The following GDAP1 variants were observed in gnomAD, a reference collection of about 807,000 sequenced individuals.
GDAP1 encodes the protein ganglioside-induced differentiation-associated protein 1.
Under a neutral mutation model 40.1 loss-of-function variants are expected in GDAP1, and 34 were observed. The ratio of observed to expected loss-of-function variants is 0.85; its 90% CI spans 0.64 to 1.13. The LOEUF is 1.13. Among genes scored for constraint, GDAP1 ranks in the 50% most tolerant of loss-of-function variants. The pLI is 0.00. For synonymous variants in GDAP1, 170 were observed against 157.4 expected (o/e 1.08, Z -0.60); for missense variants, 374 against 433.7 (o/e 0.86, Z 1.22).
intron 2 of GDAP1, among the ~76,000 whole-genome samples, chr8:74,435,760 T>C (rs1806080819): frequency 6.6e-6 from 1 of 152,216 alleles, no homozygotes; most frequent in Non-Finnish European, 1.5e-5. Flanking sequence ...CCTCCAAATA[T>C]CATAAATCAA....
downstream of GDAP1, among the ~76,000 whole-genome samples, chr8:74,369,147 G>A (rs1809707469): frequency 6.6e-6 from 1 of 152,118 alleles, no homozygotes; most frequent in South Asian, 2.1e-4. Context: ...GCCAGTAACT[G>A]CACTGCCTAC....
chr8:74,386,958 A>C (rs572619028), intron 2 of GDAP1, among the ~76,000 whole-genome samples: 1 of 152,232 alleles, frequency 6.6e-6, no homozygotes, highest in Non-Finnish European at 1.5e-5. Flanking sequence ...TGTGAATGGG[A>C]GTTCACTCAT....
downstream of GDAP1, among the ~76,000 whole-genome samples, chr8:74,369,125 T>G (rs1027963038): frequency 6.6e-6 from 1 of 152,234 alleles, no homozygotes; most frequent in South Asian, 2.1e-4. Flanking sequence ...GTACACAGTT[T>G]AAAGGTGACT....
At chr8:74,484,002 A>C (rs1170214613) in intron 2 of GDAP1, among the ~76,000 whole-genome samples, 1 of 152,154 alleles carries the variant, frequency 6.6e-6, no homozygotes, top group Non-Finnish European at 1.5e-5. Flanking sequence ...AAGTGCAAAA[A>C]TATCTATGTT....
intron 1 of GDAP1, 71 bp downstream of exon 1, chr8:74,350,649 C>G (rs1808811474): frequency 2.0e-6 from 2 of 990,848 alleles, no homozygotes; most frequent in Admixed American, 3.4e-5. Flanking sequence ...CTTCTGAGTC[C>G]CGCCCAGGGA....
intron 2 of GDAP1, among the ~76,000 whole-genome samples, chr8:74,423,654 A>G (rs903611379): frequency 1.8e-4 from 27 of 151,924 alleles, no homozygotes; most frequent in African/African-American, 6.5e-4. Flanking sequence ...CCTCAGTAAA[A>G]CAGATTTACT....
chr8:74,373,358 T>C (rs947223508), intron 2 of GDAP1, among the ~76,000 whole-genome samples: 3 of 152,238 alleles, frequency 2.0e-5, no homozygotes, highest in African/African-American at 7.2e-5. Context: ...AGTGTGGCCA[T>C]TTTCACGATA....
intron 2 of GDAP1, among the ~76,000 whole-genome samples, chr8:74,446,863 C>A (rs76256044): frequency 2.0e-5 from 3 of 151,972 alleles, no homozygotes; most frequent in Non-Finnish European, 4.4e-5. Context: ...TAGGCAAATT[C>A]ATAGAGACAG....
At chr8:74,373,135 T>A (rs1337409318) in intron 2 of GDAP1, among the ~76,000 whole-genome samples, 1 of 152,224 alleles carries the variant, frequency 6.6e-6, no homozygotes, top group Non-Finnish European at 1.5e-5. Context: ...TTGGTACCAG[T>A]ACCATGCTGT....
intron 2 of GDAP1, among the ~76,000 whole-genome samples, chr8:74,412,255 G>T (rs182077954): frequency 6.7e-6 from 1 of 150,104 alleles, no homozygotes; most frequent in Non-Finnish European, 1.5e-5. Flanking sequence ...GAAGAATTTT[G>T]TGTATGTAAC....
intron 2 of GDAP1, among the ~76,000 whole-genome samples, chr8:74,480,794 T>C (rs1407792562): frequency 6.6e-6 from 1 of 152,194 alleles, no homozygotes; most frequent in African/African-American, 2.4e-5. Context: ...CCTATTCCAA[T>C]TCTTCACTTT....
intron 2 of GDAP1, among the ~76,000 whole-genome samples, chr8:74,396,903 C>T (rs370638591): frequency 4.6e-5 from 7 of 152,082 alleles, no homozygotes; most frequent in African/African-American, 7.2e-5. Flanking sequence ...ATTGTATTTC[C>T]AGTTCTAGAT....
rs772584867 is a variant in GDAP1 at position 74,366,558 on chromosome 8, G to A, written c.*2191G>A. 1.3e-5 allele frequency: 6 copies of A among 453,550 alleles called. No homozygotes were observed. The highest frequency in any genetic ancestry group is 6.9e-5 in the East Asian group (1 of 14,404). 28.1% of individuals were successfully genotyped at this position (453,550 alleles called of 1,614,324 possible). ...GTGTATTTTCTTTTTCATGATTATC[G>A]GTGACTGGTCAGTGTACTCATCAAT... On this transcript the variant is annotated 3_prime_UTR_variant, in exon 6 of 6. Coordinates refer to ENST00000220822, the MANE Select transcript of GDAP1 (RefSeq NM_018972.4).
intron 2 of GDAP1, among the ~76,000 whole-genome samples, chr8:74,470,659 G>A (rs922614429): frequency 6.6e-6 from 1 of 152,168 alleles, no homozygotes; most frequent in Non-Finnish European, 1.5e-5. Flanking sequence ...ATCATTGTTG[G>A]ACATTTGGGT....
At chr8:74,488,086 C>T (rs1261488801) in intron 2 of GDAP1, among the ~76,000 whole-genome samples, 6 of 152,000 alleles carry the variant, frequency 3.9e-5, no homozygotes, top group Admixed American at 2.6e-4. Flanking sequence ...TCAATATGTA[C>T]CTCTATTTCT....
At chr8:74,399,744 G>A (rs1187682171) in intron 2 of GDAP1, among the ~76,000 whole-genome samples, 28 of 120,454 alleles carry the variant, frequency 2.3e-4, no homozygotes, top group East Asian at 2.2e-4. Flanking sequence ...ATTCTGGTAT[G>A]TTGTGTCTTT....
intron 2 of GDAP1, among the ~76,000 whole-genome samples, chr8:74,378,326 A>G (rs1448881906): frequency 6.6e-6 from 1 of 152,096 alleles, no homozygotes; most frequent in East Asian, 1.9e-4. Context: ...CCAAAATGGG[A>G]GAAGTGGGGC....
At chr8:74,418,811 A>G (rs183136136) in intron 2 of GDAP1, among the ~76,000 whole-genome samples, 24 of 152,194 alleles carry the variant, frequency 1.6e-4, no homozygotes, top group African/African-American at 5.5e-4. Flanking sequence ...TTTAAAACAT[A>G]TAAACAACTA....
At chr8:74,478,028 T>G (rs1331606234) in intron 2 of GDAP1, among the ~76,000 whole-genome samples, 4 of 151,862 alleles carry the variant, frequency 2.6e-5, no homozygotes, top group African/African-American at 9.7e-5. Flanking sequence ...TGGCAGTGAC[T>G]GTTCAGAGCC....
Sources: allele counts gnomAD v4.1 joint callset (sites outside exome capture counted in the v4.1 genomes callset), GRCh38; gene constraint gnomAD v4.1.1; transcripts MANE v1.5; gene names NCBI Gene and HGNC (gene_info 2026-07-23, HGNC 2026-07-21).